AUTS2: variants seen among roughly 807,000 people sequenced by gnomAD.
AUTS2 encodes the protein activator of transcription and developmental regulator AUTS2.
In AUTS2, 17 loss-of-function variants were observed where a neutral mutation model predicts 112.4. The observed-to-expected ratio is 0.15, with a 90% confidence interval of 0.10 to 0.23. AUTS2 has a LOEUF of 0.23. Among genes scored for constraint, AUTS2 ranks in the 10% least tolerant of loss-of-function variants. The pLI is 1.00. For missense variants in AUTS2, 1,510 were observed against 1,701.6 expected (o/e 0.89, Z 1.98); for synonymous variants, 751 against 702.7 (o/e 1.07, Z -1.09).
chr7:70,091,449 A>C (rs1340991992), intron 2 of AUTS2, among the ~76,000 whole-genome samples: 5 of 152,218 alleles, frequency 3.3e-5, no homozygotes, highest in African/African-American at 9.6e-5. Context: ...CCCATTTACA[A>C]AATACACTCC....
chr7:70,046,496 C>T lies in AUTS2; in HGVS notation c.523-71636C>T, dbSNP rs569127370. 2.8e-3 allele frequency among the ~76,000 whole-genome samples: 420 copies of T among 152,226 alleles called. 2 individuals carry two copies. Among genetic ancestry groups the T allele is most frequent in the Non-Finnish European group, 4.9e-3 (334 of 68,024 alleles). On this transcript the variant is annotated intron_variant, in intron 2 of 18. Coordinates refer to ENST00000342771, the MANE Select transcript of AUTS2 (RefSeq NM_015570.4). ...ACGTACAACTTTTTGATAGATTATT[C>T]GAACCTGGACTCTATTCTCAAGCAA...
intron 3 of AUTS2, among the ~76,000 whole-genome samples, chr7:70,129,500 T>G (rs1376037444): frequency 2.6e-5 from 4 of 152,162 alleles, no homozygotes; most frequent in Non-Finnish European, 5.9e-5. Context: ...CCAGTGAAGT[T>G]GCAACATAAA....
intron 4 of AUTS2, among the ~76,000 whole-genome samples, chr7:70,435,106 T>A (rs1205770890): frequency 1.3e-5 from 2 of 152,188 alleles, no homozygotes; most frequent in Non-Finnish European, 2.9e-5. Context: ...TTGCCCATAT[T>A]TTTTATTTAC....
intron 4 of AUTS2, among the ~76,000 whole-genome samples, chr7:70,270,574 C>A (rs766158157): frequency 4.6e-5 from 7 of 152,018 alleles, no homozygotes; most frequent in Non-Finnish European, 8.8e-5. Context: ...CATGCAGGAC[C>A]CTTTGAAAGA....
At chr7:69,723,296 T>C (rs1235456381) in intron 1 of AUTS2, among the ~76,000 whole-genome samples, 1 of 152,104 alleles carries the variant, frequency 6.6e-6, no homozygotes, top group Non-Finnish European at 1.5e-5. Flanking sequence ...ACCTTACATA[T>C]TGGAATTCTT....
chr7:70,175,099 A>G (rs1229150421), intron 4 of AUTS2, among the ~76,000 whole-genome samples: 2 of 152,210 alleles, frequency 1.3e-5, no homozygotes, highest in Non-Finnish European at 2.9e-5. Flanking sequence ...TTCATGACAT[A>G]TAGGAGGAAA....
chr7:69,648,704 A>T (rs1795153177), intron 1 of AUTS2, among the ~76,000 whole-genome samples: 1 of 152,184 alleles, frequency 6.6e-6, no homozygotes, highest in Non-Finnish European at 1.5e-5. Flanking sequence ...ACTTAGAGTG[A>T]TGCACAGTCA....
At chr7:70,140,808 A>G (rs1806822281) in intron 4 of AUTS2, among the ~76,000 whole-genome samples, 1 of 152,244 alleles carries the variant, frequency 6.6e-6, no homozygotes, top group Admixed American at 6.5e-5. Context: ...AAGGATATCC[A>G]GTTATTATTA....
intron 1 of AUTS2, among the ~76,000 whole-genome samples, chr7:69,696,774 A>G (rs977160511): frequency 1.3e-5 from 2 of 152,228 alleles, no homozygotes; most frequent in Non-Finnish European, 2.9e-5. Context: ...TTTTTTTTCT[A>G]GTGTCTCAGC....
intron 1 of AUTS2, among the ~76,000 whole-genome samples, chr7:69,642,573 G>A (rs1028339721): frequency 1.3e-5 from 2 of 152,170 alleles, no homozygotes; most frequent in African/African-American, 2.4e-5. Context: ...AGTGACGAGT[G>A]TATTCTGTAA....
intron 5 of AUTS2, among the ~76,000 whole-genome samples, chr7:70,555,300 A>G (rs1452693824): frequency 6.6e-6 from 1 of 152,206 alleles, no homozygotes; most frequent in Non-Finnish European, 1.5e-5. Flanking sequence ...GAATGTTAAA[A>G]GATAAAATTT....
intron 1 of AUTS2, among the ~76,000 whole-genome samples, chr7:69,887,499 A>G (rs1335197761): frequency 1.3e-5 from 2 of 152,040 alleles, no homozygotes; most frequent in Admixed American, 1.3e-4. Flanking sequence ...ACAGAGAAGT[A>G]ATCATTTTAC....
chr7:70,162,693 G>A (rs1054200532), intron 4 of AUTS2, among the ~76,000 whole-genome samples: 4 of 151,874 alleles, frequency 2.6e-5, no homozygotes, highest in African/African-American at 4.8e-5. Context: ...ATTATTAAAC[G>A]AAAACATATT....
chr7:70,763,964 C>A (rs114972244), intron 7 of AUTS2, among the ~76,000 whole-genome samples: 1,804 of 152,166 alleles, frequency 0.012, 54 homozygotes, highest in African/African-American at 0.041. Flanking sequence ...TACAAAGAAG[C>A]GTCTAAAAAG....
rs1791968062 is a variant in AUTS2, at chr7:70,791,610, G to A, written c.*614G>A. The A allele has an allele frequency of 6.6e-6, 1 of 152,586 alleles. No individual in the cohort carries two copies. Among genetic ancestry groups the A allele is most frequent in the Non-Finnish European group, 1.5e-5 (1 of 68,034 alleles). The allele number at this position is 152,586 out of a possible 1,614,324, so 9.5% of individuals were successfully genotyped here. ...TAAACCCTTCAACTATGCAATGAAT[G>A]TTCGGGCTTTTCACAAAAGCCCGCC... On this transcript the variant is annotated 3_prime_UTR_variant, in exon 19 of 19. Transcript: ENST00000342771.
At chr7:69,908,146 G>A (rs1002955409) in intron 2 of AUTS2, among the ~76,000 whole-genome samples, 2 of 152,058 alleles carry the variant, frequency 1.3e-5, no homozygotes, top group African/African-American at 2.4e-5. Flanking sequence ...GGACAAAACC[G>A]TGCTGAATTA....
chr7:70,101,890 T>C (rs1053359803), intron 2 of AUTS2, among the ~76,000 whole-genome samples: 3 of 152,188 alleles, frequency 2.0e-5, no homozygotes, highest in African/African-American at 7.2e-5. Context: ...TCTCTTACTC[T>C]TTTATCAAAT....
chr7:69,815,371 A>G (rs1790713851), intron 1 of AUTS2, among the ~76,000 whole-genome samples: 1 of 152,122 alleles, frequency 6.6e-6, no homozygotes, highest in Non-Finnish European at 1.5e-5. Flanking sequence ...TCATAAGTTC[A>G]AAAGTTGTCA....
At chr7:69,914,118 C>A (rs1795466850) in intron 2 of AUTS2, among the ~76,000 whole-genome samples, 2 of 152,196 alleles carry the variant, frequency 1.3e-5, no homozygotes, top group South Asian at 4.1e-4. Context: ...TTTCTATGTC[C>A]TTCCTTATGT....
Sources: gnomAD v4.1 joint callset for allele counts (sites outside exome capture counted in the v4.1 genomes callset) on GRCh38, gnomAD v4.1.1 for gene constraint, MANE v1.5 for transcripts, NCBI Gene and HGNC (gene_info 2026-07-23, HGNC 2026-07-21) for gene names.